MYO5B: variants seen among roughly 807,000 people sequenced by gnomAD.
The protein encoded by MYO5B is unconventional myosin-Vb.
In MYO5B, 143 loss-of-function variants were observed where a neutral mutation model predicts 229.3. The ratio of observed to expected loss-of-function variants is 0.62; its 90% CI spans 0.54 to 0.72. The LOEUF (loss-of-function observed/expected upper bound fraction) is 0.72. Among genes scored for constraint, MYO5B ranks in the 30% least tolerant of loss-of-function variants. MYO5B has a pLI of 0.00. For missense variants in MYO5B, 2,321 were observed against 2,331.0 expected (o/e 1.00, Z 0.09); for synonymous variants, 918 against 885.2 (o/e 1.04, Z -0.66).
intron 1 of MYO5B, among the ~76,000 whole-genome samples, chr18:50,056,032 C>T (rs555008506): frequency 2.6e-5 from 4 of 152,284 alleles, no homozygotes; most frequent in Admixed American, 1.3e-4. Flanking sequence ...GTCTCAGCCT[C>T]CCAAAGTGTT....
intron 33 of MYO5B, among the ~76,000 whole-genome samples, chr18:49,845,030 G>T (rs1441869189): frequency 1.3e-5 from 2 of 152,198 alleles, no homozygotes; most frequent in Non-Finnish European, 2.9e-5. Flanking sequence ...AGCTCAGCAG[G>T]AGATGACCTT....
At chr18:49,930,906 G>A (rs1214831959) in intron 16 of MYO5B, among the ~76,000 whole-genome samples, 1 of 142,052 alleles carries the variant, frequency 7.0e-6, no homozygotes, top group Middle Eastern at 3.3e-3. Context: ...AAAAACACTA[G>A]TAAGAAAAAA....
intron 1 of MYO5B, among the ~76,000 whole-genome samples, chr18:50,136,000 A>G (rs2032328846): frequency 6.6e-6 from 1 of 152,262 alleles, no homozygotes; most frequent in Non-Finnish European, 1.5e-5. Context: ...TGAGGAATCA[A>G]GAGGTGAAGT....
intron 12 of MYO5B, among the ~76,000 whole-genome samples, chr18:49,960,884 T>C (rs1385724519): frequency 6.6e-6 from 1 of 152,090 alleles, no homozygotes; most frequent in Non-Finnish European, 1.5e-5. Flanking sequence ...CCTTCACCAC[T>C]TGGGAGGAGA....
Position 49,849,616 on chromosome 18 carries a change from C to T in MYO5B, c.4266G>A (p.Lys1422=), listed in dbSNP as rs1938206302. 6.2e-7 allele frequency: 1 copy of T among 1,613,858 alleles called. No homozygotes were observed. Among genetic ancestry groups the T allele is most frequent in the East Asian group, 2.2e-5 (1 of 44,892 alleles). ...TGTAAATCTTCAGTTGCTTTTTGAG[C>T]TTCCTCTCATTCTTTTCCAGCTTTT... ...LVEKLEKNER[K]LKKQLKIYMK... is the part of the protein sequence containing the mutation. Residue 1422 remains lysine, a synonymous_variant, in exon 32 of 40, where the codon AAG becomes AAA. Transcript: ENST00000285039.
chr18:50,043,794 T>C (rs924163601), intron 2 of MYO5B, among the ~76,000 whole-genome samples: 5 of 150,720 alleles, frequency 3.3e-5, no homozygotes, highest in Admixed American at 2.0e-4. Context: ...AACTCAGGAA[T>C]AGAAAACCAA....
At chr18:50,074,054 G>C (rs2031021137) in intron 1 of MYO5B, among the ~76,000 whole-genome samples, 1 of 152,142 alleles carries the variant, frequency 6.6e-6, no homozygotes, top group African/African-American at 2.4e-5. Context: ...TGCTGATAAA[G>C]ACATACCCGA....
intron 4 of MYO5B, among the ~76,000 whole-genome samples, chr18:50,015,607 C>T (rs554579581): frequency 1.4e-4 from 21 of 152,246 alleles, no homozygotes; most frequent in African/African-American, 3.6e-4. Flanking sequence ...ATTCTGTTGG[C>T]GCAGCAGGTG....
chr18:49,849,963 T>C, intron 31 of MYO5B: 1 of 423,684 alleles, frequency 2.4e-6, no homozygotes, highest in Non-Finnish European at 4.4e-6. Context: ...CCGGTTGCCA[T>C]GCCAACCCCC....
intron 2 of MYO5B, among the ~76,000 whole-genome samples, chr18:50,051,442 A>G (rs1331526578): frequency 6.6e-6 from 1 of 152,202 alleles, no homozygotes; most frequent in Non-Finnish European, 1.5e-5. Flanking sequence ...ATTAAAAACC[A>G]TGGAAACAAG....
chr18:49,872,511 T>C (rs1437143400), intron 26 of MYO5B, among the ~76,000 whole-genome samples: 2 of 143,756 alleles, frequency 1.4e-5, no homozygotes, highest in Non-Finnish European at 3.0e-5. Flanking sequence ...CACTGTGTTA[T>C]GGCTTGAATT....
chr18:49,938,996 C>A (rs1247331729), intron 14 of MYO5B, among the ~76,000 whole-genome samples: 1 of 152,104 alleles, frequency 6.6e-6, no homozygotes, highest in Non-Finnish European at 1.5e-5. Flanking sequence ...GCTGAGACTT[C>A]CCTTCCTCCT....
At chr18:50,173,944 T>C (rs558418796) in intron 1 of MYO5B, among the ~76,000 whole-genome samples, 25 of 152,166 alleles carry the variant, frequency 1.6e-4, no homozygotes, top group African/African-American at 6.0e-4. Context: ...TTTCTGGGTG[T>C]GTCTGCGAGG....
At position 49,839,425 on chromosome 18, in the gene MYO5B, A is replaced by G. The variant is rs193143771; in HGVS notation, c.4702-131T>C. ...TACTCAGGCCCTCCCTATGTAGATG[A>G]TGTTTTACAAAAGCCTGTCAGTTCT... On this transcript the variant is annotated intron_variant, in intron 35 of 39. Coordinates refer to ENST00000285039, the MANE Select transcript of MYO5B (RefSeq NM_001080467.3). The G allele has an allele frequency of 4.0e-4, 395 of 990,172 alleles. 3 individuals are homozygous for G. The African/African-American group carries it at 4.4e-3, about 11-fold the overall frequency. 61.3% of individuals were successfully genotyped at this position (990,172 alleles called of 1,614,324 possible).
intron 1 of MYO5B, among the ~76,000 whole-genome samples, chr18:50,183,322 T>TGG: frequency 7.4e-6 from 1 of 134,556 alleles, no homozygotes; most frequent in East Asian, 2.0e-4. Flanking sequence ...TATATATATA[T>TGG]ATATATATAT....
intron 9 of MYO5B, among the ~76,000 whole-genome samples, chr18:49,977,191 C>T (rs1337828732): frequency 6.6e-6 from 1 of 152,128 alleles, no homozygotes; most frequent in Non-Finnish European, 1.5e-5. Context: ...AAGGTGCTGA[C>T]TGAAACTGAT....
intron 12 of MYO5B, among the ~76,000 whole-genome samples, chr18:49,956,741 GA>G: frequency 1.3e-5 from 2 of 152,244 alleles, no homozygotes; most frequent in Admixed American, 1.3e-4. Context: ...CAGGAGCCGG[GA>G]CCATAGCTCA....
In MYO5B at chr18:49,879,009, A is replaced by G. The variant is rs2024557037; in HGVS notation, c.3212T>C (p.Val1071Ala). 3 of 1,613,712 alleles carry G rather than the reference A, an allele frequency of 1.9e-6. No homozygotes were observed. The highest frequency in any genetic ancestry group is 2.5e-6 in the Non-Finnish European group (3 of 1,180,002). The change falls in exon 24 of 40, where the codon GTG (valine) becomes GCG (alanine). Residue 1071 changes from valine (V) to alanine (A), a missense_variant. Val to Ala is a moderately conservative substitution (Grantham distance 64). Coordinates refer to ENST00000285039, the MANE Select transcript of MYO5B (RefSeq NM_001080467.3). ...EEERSRYQNL[V>A]KEYSQLEQRY... ...CTGCTCCAACTGTGAATATTCCTTC[A>G]CAAGGTTCTGGTACCGGGATCGCTC...
intron 1 of MYO5B, among the ~76,000 whole-genome samples, chr18:50,167,204 G>A (rs2032864790): frequency 6.6e-6 from 1 of 152,164 alleles, no homozygotes. Flanking sequence ...ATTGCAGAAG[G>A]CTCCTTCTAC....
Sources: allele counts gnomAD v4.1 joint callset (sites outside exome capture counted in the v4.1 genomes callset), GRCh38; gene constraint gnomAD v4.1.1; transcripts MANE v1.5; gene names NCBI Gene and HGNC (gene_info 2026-07-23, HGNC 2026-07-21).